Variants in MOB2 observed in about 807,000 individuals in gnomAD.
MOB2 encodes MOB2 Mps One Binder homolog.
In MOB2, 14 loss-of-function variants were observed where a neutral mutation model predicts 27.4. That is an observed-to-expected ratio of 0.51 (90% CI 0.34 to 0.80). The LOEUF (loss-of-function observed/expected upper bound fraction) is 0.80, where lower values mean the gene tolerates loss of function less well. MOB2 is among the 30% of genes least tolerant of loss of function. MOB2 has a pLI of 0.01. For missense variants in MOB2, 304 were observed against 354.6 expected (o/e 0.86, Z 1.15); for synonymous variants, 167 against 151.8 (o/e 1.10, Z -0.74).
At position 1,469,923 on chromosome 11, in the gene MOB2, T is replaced by C. The variant is rs1305150127; in HGVS notation, c.*249A>G. 1.4e-5 allele frequency: 12 copies of C among 859,388 alleles called. No homozygotes were observed. The highest frequency in any genetic ancestry group is 2.3e-5 in the Non-Finnish European group (12 of 531,030). 53.2% of individuals were successfully genotyped at this position (859,388 alleles called of 1,614,324 possible). A position where few individuals can be genotyped will look rare whatever the true frequency, so the allele number is the denominator to read the frequency against. The stretch of plus-strand genomic sequence containing the variant: ...AAACTCAAAGCATCAGTCCCATGCG[T>C]GTCTGCTGAACGAGTGAATGGGCCC... On this transcript the variant is annotated 3_prime_UTR_variant, in exon 5 of 5. Transcript: ENST00000329957.
At chr11:1,475,149 T>C (rs985483764) in intron 3 of MOB2, among the ~76,000 whole-genome samples, 1 of 152,212 alleles carries the variant, frequency 6.6e-6, no homozygotes, top group Non-Finnish European at 1.5e-5. Context: ...TCTTGTTAAG[T>C]TTATAACTAA....
At chr11:1,474,659 G>C in intron 3 of MOB2, among the ~76,000 whole-genome samples, 1 of 151,780 alleles carries the variant, frequency 6.6e-6, no homozygotes, top group Admixed American at 6.6e-5. Flanking sequence ...CGTTTGTGTG[G>C]GGCTGTCTCC....
chr11:1,483,206 G>A lies in MOB2; in HGVS notation c.111-2321C>T, dbSNP rs371966060. Among the ~76,000 whole-genome samples the A allele has an allele frequency of 5.0e-3, 757 of 152,276 alleles. 2 individuals are homozygous for A. The highest frequency in any genetic ancestry group is 7.8e-3 in the Non-Finnish European group (532 of 68,032). Reference sequence around the variant, plus strand: ...TGCCCCTCACCCAGGGAAGTGCCGAGGCCCTGCGCCCTGCTCCCAGCTCCC... The same window carrying A: ...TGCCCCTCACCCAGGGAAGTGCCGAAGCCCTGCGCCCTGCTCCCAGCTCCC... On this transcript the variant is annotated intron_variant, in intron 1 of 4. Transcript: ENST00000329957.
intron 1 of MOB2, among the ~76,000 whole-genome samples, chr11:1,485,751 G>A (rs1047326254): frequency 2.0e-5 from 3 of 151,980 alleles, no homozygotes; most frequent in Non-Finnish European, 4.4e-5. Context: ...ACACACACGG[G>A]TGCACGCTCC....
chr11:1,482,119 C>A (rs1053105274), intron 1 of MOB2, among the ~76,000 whole-genome samples: 2 of 152,216 alleles, frequency 1.3e-5, no homozygotes, highest in African/African-American at 4.8e-5. Flanking sequence ...GCACACCACA[C>A]CCCACCCGGG....
intron 4 of MOB2, 49 bp from the exon 5 acceptor site, chr11:1,470,537 C>G (rs753336654): frequency 6.4e-7 from 1 of 1,567,532 alleles, no homozygotes; most frequent in Non-Finnish European, 8.6e-7. Flanking sequence ...TTGGCCCCAA[C>G]AGAGGCCAGG....
At chr11:1,480,547 C>T in intron 2 of MOB2, 61 bp from the exon 3 acceptor site, 10 of 1,578,054 alleles carry the variant, frequency 6.3e-6, no homozygotes, top group Non-Finnish European at 8.7e-6. Context: ...CCCCGTCCAC[C>T]CCTGCTTCCA....
In MOB2 at chr11:1,469,649, G is replaced by A. The variant is rs891219787; in HGVS notation, c.*523C>T. The A allele has an allele frequency of 2.2e-6, 1 of 457,154 alleles. No homozygotes were observed. The allele number at this position is 457,154 out of a possible 1,614,324, so 28.3% of individuals were successfully genotyped here. A position where few individuals can be genotyped will look rare whatever the true frequency, so the allele number is the denominator to read the frequency against. On this transcript the variant is annotated 3_prime_UTR_variant, in exon 5 of 5. Coordinates refer to ENST00000329957, the MANE Select transcript of MOB2 (RefSeq NM_001172223.3). ...GGTGACAGGAGCAGGAGCAGGTGCA[G>A]GGCACCTCACACCACAGGCCTCCCC...
At position 1,471,385 on chromosome 11, in the gene MOB2, C is replaced by T. The variant is rs1847788559; in HGVS notation, c.400G>A (p.Val134Ile). 1 of 1,613,484 alleles carries T rather than the reference C, an allele frequency of 6.2e-7. No individual in the cohort carries two copies. The highest frequency in any genetic ancestry group is 8.5e-7 in the Non-Finnish European group (1 of 1,179,780). The change falls in exon 4 of 5, where the codon GTC becomes ATC. Residue 134 changes from valine (V) to isoleucine (I), a missense_variant. Coordinates refer to ENST00000329957, the MANE Select transcript of MOB2 (RefSeq NM_001172223.3). ...ACGTACTGTGGGGCCGTGCACTTGA[C>T]CTTCTTCCCCCGCTCGTCATACCAG... Reference protein sequence around the residue: ...YYWYDERGKKVKCTAPQYVDF... With the variant: ...YYWYDERGKKIKCTAPQYVDF...
intron 1 of MOB2, among the ~76,000 whole-genome samples, chr11:1,485,005 A>C (rs1354619992): frequency 1.3e-5 from 2 of 152,330 alleles, no homozygotes; most frequent in Middle Eastern, 3.4e-3. Context: ...AGATGGCACA[A>C]GGAACGCCCG....
intron 1 of MOB2, among the ~76,000 whole-genome samples, chr11:1,482,790 G>A (rs547262361): frequency 1.0e-3 from 159 of 152,346 alleles, no homozygotes; most frequent in Non-Finnish European, 1.7e-3. Context: ...AAGGGGACGC[G>A]CAGGACATGG....
At chr11:1,480,255 G>C in intron 3 of MOB2, 138 bp downstream of exon 3, 2 of 751,150 alleles carry the variant, frequency 2.7e-6, no homozygotes, top group Non-Finnish European at 4.2e-6. Context: ...GGTGGATGTT[G>C]TGGAAGGCCT....
At chr11:1,486,091 C>T (rs926485331) in intron 1 of MOB2, among the ~76,000 whole-genome samples, 4 of 152,216 alleles carry the variant, frequency 2.6e-5, no homozygotes, top group African/African-American at 4.8e-5. Flanking sequence ...CTGTGGGTTG[C>T]GGGAGGACAA....
At chr11:1,472,039 G>C (rs924847087) in intron 3 of MOB2, 2 of 152,484 alleles carry the variant, frequency 1.3e-5, no homozygotes, top group Non-Finnish European at 2.9e-5. Context: ...CCCAGAGCAG[G>C]CTGGAGCATC....
chr11:1,476,114 C>T (rs963638240), intron 3 of MOB2, among the ~76,000 whole-genome samples: 10 of 152,210 alleles, frequency 6.6e-5, no homozygotes, highest in Admixed American at 2.6e-4. Flanking sequence ...CGGTGGAGAC[C>T]GCATCACACT....
At chr11:1,484,439 T>C (rs1214756670) in intron 1 of MOB2, among the ~76,000 whole-genome samples, 1 of 151,902 alleles carries the variant, frequency 6.6e-6, no homozygotes, top group African/African-American at 2.4e-5. Flanking sequence ...TTGGTTCGGG[T>C]GAATGTCAGT....
chr11:1,486,536 A>C lies in MOB2; in HGVS notation c.21T>G (p.Ser7Arg), dbSNP rs1208935411. 1.3e-6 allele frequency: 2 copies of C among 1,535,430 alleles called. No individual in the cohort carries two copies. The highest frequency in any genetic ancestry group is 2.4e-5 in the South Asian group (2 of 84,028). ...CGGGCCGGGCTTGGTCTTCAGGGAG[A>C]CTGCAGTGGTCTCCCAGCATGAGTG... Reference protein sequence around the residue: MLGDHCSLPEDQARPGQ... With the variant: MLGDHCRLPEDQARPGQ... Residue 7 changes from serine to arginine, a missense_variant, in exon 1 of 5, where the codon AGT (serine) becomes AGG (arginine). Transcript: ENST00000329957.
Position 1,486,519 on chromosome 11 carries a change from G to A in MOB2, c.38C>T (p.Ala13Val), listed in dbSNP as rs1316836440. 1.3e-6 allele frequency: 2 copies of A among 1,535,794 alleles called. No individual in the cohort carries two copies. Among genetic ancestry groups the A allele is most frequent in the Admixed American group, 2.0e-5 (1 of 51,006 alleles). The change falls in exon 1 of 5, where the codon GCC (alanine) becomes GTC (valine). Residue 13 changes from alanine (A) to valine (V), a missense_variant. Coordinates refer to ENST00000329957, the MANE Select transcript of MOB2 (RefSeq NM_001172223.3). ...GDHCSLPEDQ[A>V]RPGQSLQSGL... The stretch of plus-strand genomic sequence containing the variant: ...ACTTTGCAGGGACTGGCCGGGCCGG[G>A]CTTGGTCTTCAGGGAGACTGCAGTG...
intron 3 of MOB2, among the ~76,000 whole-genome samples, chr11:1,473,695 G>A (rs1847821636): frequency 6.6e-6 from 1 of 152,266 alleles, no homozygotes; most frequent in African/African-American, 2.4e-5. Context: ...TCTGAAAGAT[G>A]GAACACCACT....
Sources: gnomAD v4.1 joint callset for allele counts (sites outside exome capture counted in the v4.1 genomes callset) on GRCh38, gnomAD v4.1.1 for gene constraint, MANE v1.5 for transcripts, NCBI Gene and HGNC (gene_info 2026-07-23, HGNC 2026-07-21) for gene names.